Variants in ORC3 observed in about 807,000 individuals in gnomAD.
ORC3 encodes homolog of latheo, Drosophila.
A neutral mutation model predicts 100.7 loss-of-function variants in ORC3; 78 were observed. The ratio of observed to expected loss-of-function variants is 0.77; its 90% CI spans 0.65 to 0.94. The LOEUF (loss-of-function observed/expected upper bound fraction) is 0.94. Ranked by LOEUF, ORC3 falls within the 40% of genes least tolerant of loss-of-function variation. The pLI, the probability that ORC3 is intolerant of heterozygous loss-of-function variation, is 0.00. For missense variants in ORC3, 789 were observed against 823.9 expected (o/e 0.96, Z 0.52); for synonymous variants, 295 against 289.3 (o/e 1.02, Z -0.20).
downstream of ORC3, among the ~76,000 whole-genome samples, chr6:87,672,096 TA>T (rs1562393225): frequency 2.0e-5 from 3 of 152,074 alleles, no homozygotes; most frequent in Admixed American, 2.0e-4. Flanking sequence ...GGTAGCTATT[TA>T]AAAAAGAGAC....
chr6:87,647,371 TG>T (rs1445255167), intron 13 of ORC3, among the ~76,000 whole-genome samples: 1 of 152,178 alleles, frequency 6.6e-6, no homozygotes, highest in Non-Finnish European at 1.5e-5. Flanking sequence ...TTGCACCCAT[TG>T]TTCTGTCTGC....
chr6:87,677,231 C>A, the ORC3 span, among the ~76,000 whole-genome samples: 1 of 152,104 alleles, frequency 6.6e-6, no homozygotes, highest in Non-Finnish European at 1.5e-5. Flanking sequence ...AAAACCTGAT[C>A]AAGTATCACA....
At chr6:87,652,197 A>G (rs1330389105) in intron 13 of ORC3, among the ~76,000 whole-genome samples, 1 of 152,064 alleles carries the variant, frequency 6.6e-6, no homozygotes, top group African/African-American at 2.4e-5. Context: ...CGTGCCTGGA[A>G]ATATTAGAAC....
chr6:87,659,620 G>T (rs1452926530), intron 16 of ORC3, among the ~76,000 whole-genome samples: 1 of 151,940 alleles, frequency 6.6e-6, no homozygotes, highest in Non-Finnish European at 1.5e-5. Context: ...ATTGGCTCAC[G>T]CCTGTAATCC....
At chr6:87,617,243 C>T (rs1779224196) in intron 9 of ORC3, among the ~76,000 whole-genome samples, 1 of 151,978 alleles carries the variant, frequency 6.6e-6, no homozygotes, top group Non-Finnish European at 1.5e-5. Context: ...AATTTGTATT[C>T]TGATACATTG....
intron 2 of ORC3, 193 bp downstream of exon 2, chr6:87,594,600 T>G: frequency 8.1e-7 from 1 of 1,238,280 alleles, no homozygotes. Context: ...AGAATCCAAT[T>G]ACACCTTCCA....
rs768510660 is a variant in ORC3, at chr6:87,634,918, A to G, written c.1259A>G (p.His420Arg). ...TACTTCCTGGTTTTGAGATGTCTTC[A>G]TAAGTTCACCTCTTCTCTTCCCAAG... ...MNYFLVLRCL[H>R]KFTSSLPKYP... is the part of the protein sequence containing the mutation. The change falls in exon 12 of 20, where the codon CAT (histidine) becomes CGT (arginine). Residue 420 changes from histidine to arginine, a missense_variant. By Grantham distance (29) the His-to-Arg change is conservative. This residue lies in a region of ORC3 where 366 missense variants were observed against 394.2 expected (regional missense o/e 0.93). Transcript: ENST00000392844. The G allele has an allele frequency of 2.5e-6, 4 of 1,604,778 alleles. No individual in the cohort carries two copies. Among genetic ancestry groups the G allele is most frequent in the Admixed American group, 3.3e-5 (2 of 60,012 alleles).
chr6:87,613,558 C>G (rs535596333), intron 8 of ORC3, among the ~76,000 whole-genome samples: 1 of 152,296 alleles, frequency 6.6e-6, no homozygotes, highest in Admixed American at 6.5e-5. Context: ...TCCAAAGTCT[C>G]ATCCGAGACA....
intron 14 of ORC3, among the ~76,000 whole-genome samples, chr6:87,654,818 C>T (rs144774333): frequency 8.5e-5 from 13 of 152,128 alleles, no homozygotes; most frequent in African/African-American, 2.2e-4. Context: ...GCACCATTAA[C>T]GAGGTAATCT....
chr6:87,610,401 G>T (rs1778657426), intron 7 of ORC3, among the ~76,000 whole-genome samples: 1 of 151,652 alleles, frequency 6.6e-6, no homozygotes, highest in African/African-American at 2.4e-5. Context: ...TAGAGACAGG[G>T]TTTCACCATA....
intron 13 of ORC3, among the ~76,000 whole-genome samples, chr6:87,640,106 C>A (rs1476364720): frequency 2.0e-5 from 3 of 151,144 alleles, no homozygotes; most frequent in African/African-American, 7.3e-5. Context: ...TGGTGGGAAA[C>A]CCTTATCTTG....
intron 1 of ORC3, among the ~76,000 whole-genome samples, chr6:87,590,509 C>T (rs1256087086): frequency 6.6e-6 from 1 of 152,176 alleles, no homozygotes; most frequent in African/African-American, 2.4e-5. Flanking sequence ...CCGTTAGGTA[C>T]CAAGATGCAG....
intron 4 of ORC3, among the ~76,000 whole-genome samples, chr6:87,604,341 T>C (rs1778180113): frequency 6.6e-6 from 1 of 152,232 alleles, no homozygotes; most frequent in Non-Finnish European, 1.5e-5. Context: ...TTAATGGGTC[T>C]AGGGTGGGGC....
At chr6:87,653,496 G>A (rs1022684019) in intron 14 of ORC3, among the ~76,000 whole-genome samples, 1 of 152,184 alleles carries the variant, frequency 6.6e-6, no homozygotes, top group African/African-American at 2.4e-5. Flanking sequence ...TCTCCAGATC[G>A]ACAGTTTGGG....
At chr6:87,634,367 C>T (rs1322894927) in intron 11 of ORC3, among the ~76,000 whole-genome samples, 1 of 152,130 alleles carries the variant, frequency 6.6e-6, no homozygotes, top group Non-Finnish European at 1.5e-5. Context: ...CACACTAACA[C>T]ACTTGAGTAG....
intron 7 of ORC3, among the ~76,000 whole-genome samples, chr6:87,610,823 G>C (rs1175191855): frequency 2.2e-5 from 3 of 138,750 alleles, no homozygotes; most frequent in Non-Finnish European, 4.7e-5. Flanking sequence ...AAAGTGCTGG[G>C]ATTACAGGCG....
intron 19 of ORC3, 27 bp from the exon 20 acceptor site, chr6:87,666,991 G>A (rs367945543): frequency 8.5e-6 from 12 of 1,408,544 alleles, no homozygotes; most frequent in Admixed American, 2.0e-5. Flanking sequence ...ATACAGCACG[G>A]CCAGTTTCCT....
At chr6:87,666,795 A>G (rs1770680668) in intron 19 of ORC3, among the ~76,000 whole-genome samples, 1 of 152,118 alleles carries the variant, frequency 6.6e-6, no homozygotes, top group African/African-American at 2.4e-5. Context: ...CAATTTCCAT[A>G]CTATGTAGAA....
At chr6:87,644,993 G>A (rs1235163500) in intron 13 of ORC3, among the ~76,000 whole-genome samples, 2 of 152,096 alleles carry the variant, frequency 1.3e-5, no homozygotes, top group South Asian at 2.1e-4. Context: ...TGACTTCCAG[G>A]TGCTTCCCAG....
Sources: allele counts gnomAD v4.1 joint callset (sites outside exome capture counted in the v4.1 genomes callset), GRCh38; gene constraint gnomAD v4.1.1; regional missense constraint gnomAD v4.1.1; transcripts MANE v1.5; gene names NCBI Gene and HGNC (gene_info 2026-07-23, HGNC 2026-07-21).